Variants in RBMS3 observed in about 807,000 individuals in gnomAD.
RBMS3 encodes RNA-binding motif, single-stranded-interacting protein 3.
A neutral mutation model predicts 66.8 loss-of-function variants in RBMS3; 27 were observed. The observed-to-expected ratio is 0.40, with a 90% CI of 0.30 to 0.56. The LOEUF (loss-of-function observed/expected upper bound fraction) is 0.56. Among genes scored for constraint, RBMS3 ranks in the 20% least tolerant of loss-of-function variants. RBMS3 has a pLI of 0.40. For missense variants in RBMS3, 513 were observed against 549.5 expected (o/e 0.93, Z 0.66); for synonymous variants, 188 against 183.0 (o/e 1.03, Z -0.22).
intron 6 of RBMS3, among the ~76,000 whole-genome samples, chr3:29,853,634 G>A (rs1280140333): frequency 6.6e-6 from 1 of 151,884 alleles, no homozygotes; most frequent in East Asian, 1.9e-4. Flanking sequence ...GCATTTTAAT[G>A]AGCTCTCTTT....
chr3:29,644,721 C>T (rs191434519), intron 4 of RBMS3, among the ~76,000 whole-genome samples: 63 of 152,194 alleles, frequency 4.1e-4, no homozygotes, highest in Admixed American at 4.1e-3. Flanking sequence ...TATTGTTTGA[C>T]TCTGATTGTA....
At chr3:29,488,799 G>A (rs922409553) in intron 3 of RBMS3, among the ~76,000 whole-genome samples, 1 of 152,168 alleles carries the variant, frequency 6.6e-6, no homozygotes, top group African/African-American at 2.4e-5. Context: ...CATCAGTGAT[G>A]CAAATTGATT....
chr3:29,686,409 C>T (rs1425574687), intron 4 of RBMS3, among the ~76,000 whole-genome samples: 1 of 152,120 alleles, frequency 6.6e-6, no homozygotes, highest in Non-Finnish European at 1.5e-5. Flanking sequence ...ATAGGCCGGG[C>T]ATGGTGGCTC....
intron 4 of RBMS3, among the ~76,000 whole-genome samples, chr3:29,739,121 A>G (rs1021362903): frequency 7.2e-5 from 11 of 152,216 alleles, no homozygotes; most frequent in African/African-American, 2.7e-4. Context: ...TGGTAATAAA[A>G]AAGAATATAC....
At chr3:29,489,544 T>C (rs1221662436) in intron 3 of RBMS3, among the ~76,000 whole-genome samples, 1 of 151,436 alleles carries the variant, frequency 6.6e-6, no homozygotes, top group African/African-American at 2.4e-5. Flanking sequence ...GATTACTATA[T>C]CACCTTAATA....
intron 3 of RBMS3, among the ~76,000 whole-genome samples, chr3:29,566,634 C>CAAAAAA (rs11445860): frequency 1.7e-5 from 2 of 119,910 alleles, no homozygotes; most frequent in African/African-American, 3.0e-5. Flanking sequence ...AAGCAAAATG[C>CAAAAAA]AAAAAAAAAA....
chr3:29,705,994 CCTTCTGTGGCTGTCATTCA>C (rs2052873591), intron 4 of RBMS3, among the ~76,000 whole-genome samples: 1 of 152,168 alleles, frequency 6.6e-6, no homozygotes, highest in Admixed American at 6.5e-5. Flanking sequence ...CTCTGCCTTC[CCTTCTGTGGCTGTCATTCA>C]CATCAAGCTG....
rs543440804 is a variant in RBMS3, at chr3:29,477,055, C to T, written c.249-11386C>T. Among the ~76,000 whole-genome samples, 173 of 152,268 alleles carry T rather than the reference C, an allele frequency of 1.1e-3. 1 individual carries two copies. Among genetic ancestry groups the T allele is most frequent in the African/African-American group, 4.0e-3 (168 of 41,556 alleles). On this transcript the variant is annotated intron_variant, in intron 2 of 14. Coordinates refer to ENST00000383767, the MANE Select transcript of RBMS3 (RefSeq NM_001003793.3). The stretch of plus-strand genomic sequence containing the variant: ...AAAGCTTACAGCAGCTGCTACAGTA[C>T]ACGGAATTTCTCTTTTAGCATTTTA...
At position 29,897,369 on chromosome 3, in the gene RBMS3, C is replaced by A; in HGVS notation, c.792-10C>A. On this transcript the variant is annotated splice_polypyrimidine_tract_variant and intron_variant, in intron 8 of 14. Transcript: ENST00000383767. ...CTTCGTGAATCTTCCTTTTTGTTTT[C>A]TGTTTGCAGATTTTATTCTTCACCG... 1 of 1,608,602 alleles carries A rather than the reference C, an allele frequency of 6.2e-7. No individual in the cohort carries two copies. The highest frequency in any genetic ancestry group is 8.5e-7 in the Non-Finnish European group (1 of 1,176,136).
intron 1 of RBMS3, among the ~76,000 whole-genome samples, chr3:29,340,316 C>G: frequency 6.6e-6 from 1 of 152,128 alleles, no homozygotes; most frequent in East Asian, 1.9e-4. Context: ...GCCCATGAAG[C>G]TGGCCTTGTC....
chr3:29,296,019 A>G (rs1230824284), intron 1 of RBMS3, among the ~76,000 whole-genome samples: 1 of 151,720 alleles, frequency 6.6e-6, no homozygotes, highest in Non-Finnish European at 1.5e-5. Flanking sequence ...TTCCTTTGGT[A>G]AGAAGATGGA....
At chr3:29,862,711 G>T (rs957535336) in intron 6 of RBMS3, among the ~76,000 whole-genome samples, 2 of 152,018 alleles carry the variant, frequency 1.3e-5, no homozygotes, top group Non-Finnish European at 2.9e-5. Context: ...AAGTGTGGCG[G>T]CGTGTGCCTA....
intron 1 of RBMS3, among the ~76,000 whole-genome samples, chr3:29,292,141 G>T (rs947021087): frequency 1.3e-5 from 2 of 151,648 alleles, no homozygotes; most frequent in Non-Finnish European, 2.9e-5. Flanking sequence ...CCTCTAGACA[G>T]ATCTCACTGA....
rs1209907279 is a variant in RBMS3 at position 29,413,413 on chromosome 3, CAT to C, written c.76-21328_76-21327del. Among the ~76,000 whole-genome samples the C allele has an allele frequency of 9.1e-3, 1,368 of 151,086 alleles. 10 individuals are homozygous for C. Among genetic ancestry groups the C allele is most frequent in the African/African-American group, 0.012 (506 of 41,080 alleles). On this transcript the variant is annotated intron_variant, in intron 1 of 14. Transcript: ENST00000383767. ...ACATACATACATACATACATACATA[CAT>C]ACATACATACACAGAGTTGCAGCAG...
chr3:29,528,691 G>A (rs1478533431), intron 3 of RBMS3, among the ~76,000 whole-genome samples: 1 of 152,106 alleles, frequency 6.6e-6, no homozygotes, highest in African/African-American at 2.4e-5. Flanking sequence ...TTTTGATGGA[G>A]TACCATATTG....
At chr3:29,384,670 A>C (rs1334528209) in intron 1 of RBMS3, among the ~76,000 whole-genome samples, 1 of 152,178 alleles carries the variant, frequency 6.6e-6, no homozygotes, top group East Asian at 1.9e-4. Flanking sequence ...AGTGTGACTC[A>C]AGGATGTCTG....
In RBMS3 at chr3:29,870,927, G is replaced by T. The variant is rs534910093; in HGVS notation, c.744+1963G>T. Among the ~76,000 whole-genome samples the T allele has an allele frequency of 6.4e-4, 97 of 152,136 alleles. 1 individual carries two copies. Among genetic ancestry groups the T allele is most frequent in the African/African-American group, 2.2e-3 (93 of 41,512 alleles). On this transcript the variant is annotated intron_variant, in intron 7 of 14. Transcript: ENST00000383767. ...TGCTTATCAAATTTTTTGGTTTGGG[G>T]ATGCACATATTAATTTGTACACTTT...
chr3:29,587,308 A>T, intron 4 of RBMS3, 103 bp downstream of exon 4: 3 of 648,916 alleles, frequency 4.6e-6, no homozygotes, highest in Non-Finnish European at 6.8e-6. Context: ...AGGAGGAAGG[A>T]AGAAGGAGAG....
intron 4 of RBMS3, among the ~76,000 whole-genome samples, chr3:29,672,669 A>T (rs1304043107): frequency 6.6e-6 from 1 of 152,244 alleles, no homozygotes; most frequent in African/African-American, 2.4e-5. Context: ...TTAAATGAAC[A>T]AAGATCAAAA....
Sources: allele counts gnomAD v4.1 joint callset (sites outside exome capture counted in the v4.1 genomes callset), GRCh38; gene constraint gnomAD v4.1.1; transcripts MANE v1.5; gene names NCBI Gene and HGNC (gene_info 2026-07-23, HGNC 2026-07-21).